CHCHD5: variants seen among roughly 807,000 people sequenced by gnomAD.
The protein encoded by CHCHD5 is coiled-coil-helix-coiled-coil-helix domain containing 5, also known as coiled-coil-helix-coiled-coil-helix domain-containing protein 5.
In CHCHD5, 10 loss-of-function variants were observed where a neutral mutation model predicts 16.0. That is an observed-to-expected ratio of 0.63 (90% CI 0.39 to 1.06). The LOEUF (loss-of-function observed/expected upper bound fraction) is 1.06, where lower values mean the gene tolerates loss of function less well. Among genes scored for constraint, CHCHD5 ranks in the 50% least tolerant of loss-of-function variants. The pLI, the probability that CHCHD5 is intolerant of heterozygous loss-of-function variation, is 0.01. For synonymous variants in CHCHD5, 55 were observed against 56.3 expected (o/e 0.98, Z 0.10); for missense variants, 163 against 153.4 (o/e 1.06, Z -0.33).
Position 112,586,292 on chromosome 2 carries a change from G to A in CHCHD5, c.236G>A (p.Cys79Tyr), listed in dbSNP as rs146213927. 276 of 1,614,272 alleles carry A rather than the reference G, an allele frequency of 1.7e-4. No individual in the cohort carries two copies. In the East Asian group the frequency reaches 4.5e-3, roughly 26 times the overall value. Residue 79 changes from cysteine to tyrosine, a missense_variant, in exon 3 of 4, where the codon TGT becomes TAT. By Grantham distance (194) the Cys-to-Tyr change is radical. Coordinates refer to ENST00000324913, the MANE Select transcript of CHCHD5 (RefSeq NM_032309.4). ...LRQNEAAVGNCAEHMRRFLQC... is the reference protein window; with the variant it reads ...LRQNEAAVGNYAEHMRRFLQC... ...CAGAACGAGGCAGCTGTGGGCAACT[G>A]TGCAGAGCATATGCGCCGCTTCCTG...
Position 112,586,117 on chromosome 2 carries a change from G to A in CHCHD5, c.143+3G>A. 6.2e-7 allele frequency: 1 copy of A among 1,613,376 alleles called. No homozygotes were observed. The highest frequency in any genetic ancestry group is 8.5e-7 in the Non-Finnish European group (1 of 1,179,570). ...ATTGCCCAGTGCACATCCTCCCAGT[G>A]AGTGCGGGCAAGTATGAGACAGTGT... On this transcript the variant is annotated splice_donor_region_variant and intron_variant, in intron 2 of 3. Transcript: ENST00000324913.
chr2:112,584,823 C>A, intron 1 of CHCHD5, 174 bp downstream of exon 1: 1 of 729,570 alleles, frequency 1.4e-6, no homozygotes, highest in Non-Finnish European at 2.3e-6. Context: ...CATGCCCAAG[C>A]CCCGCCCTCT....
intron 3 of CHCHD5, chr2:112,588,510 A>C (rs1397082287): frequency 3.9e-6 from 1 of 255,398 alleles, no homozygotes; most frequent in Non-Finnish European, 7.5e-6. Context: ...AAAGTGGTAC[A>C]TGTCCCTCCC....
At chr2:112,588,744 C>A in intron 3 of CHCHD5, 122 bp from the exon 4 acceptor site, 1 of 777,764 alleles carries the variant, frequency 1.3e-6, no homozygotes, top group Non-Finnish European at 2.2e-6. Flanking sequence ...AAGGTCATTG[C>A]CCAACACCCT....
intron 1 of CHCHD5, 63 bp from the exon 2 acceptor site, chr2:112,585,903 TAAAAAAAA>T (rs3838313): frequency 7.8e-7 from 1 of 1,283,194 alleles, no homozygotes; most frequent in South Asian, 1.5e-5. Context: ...CTCTAAAAAA[TAAAAAAAA>T]AAAAAAGAAT....
chr2:112,586,329 GCA>G lies in CHCHD5; in HGVS notation c.274_275del (p.Gln92GlyfsTer47), dbSNP rs1379409409. On this transcript the variant is annotated frameshift_variant, in exon 3 of 4. Coordinates refer to ENST00000324913, the MANE Select transcript of CHCHD5 (RefSeq NM_032309.4). LOFTEE classifies it high-confidence loss of function. ...TGCGCCGCTTCCTGCAGTGCGCTGAGCAGGTGCAGCCGCCACGCTCACCTGCA... is the reference window on the plus strand; with the variant it reads ...TGCGCCGCTTCCTGCAGTGCGCTGAGGGTGCAGCCGCCACGCTCACCTGCA... The part of the protein sequence containing the change: ...HMRRFLQCAE[Q>X]VQPPRSPATV... 1.2e-6 allele frequency: 2 copies of G among 1,614,254 alleles called. No homozygotes were observed. Among genetic ancestry groups the G allele is most frequent in the South Asian group, 2.2e-5 (2 of 91,092 alleles).
intron 1 of CHCHD5, 86 bp from the exon 2 acceptor site, chr2:112,585,888 C>A: frequency 6.8e-7 from 1 of 1,466,166 alleles, no homozygotes; most frequent in Non-Finnish European, 9.2e-7. Flanking sequence ...ACAGTGAGAC[C>A]CTGTCTCTAA....
chr2:112,585,170 G>A (rs1385532283), intron 1 of CHCHD5, among the ~76,000 whole-genome samples: 2 of 152,114 alleles, frequency 1.3e-5, no homozygotes, highest in Non-Finnish European at 2.9e-5. Context: ...ACGCCCCTGG[G>A]ACCTTGAGTC....
chr2:112,586,491 T>C lies in CHCHD5; in HGVS notation c.309+126T>C, dbSNP rs1399532469. 3.2e-6 allele frequency: 5 copies of C among 1,557,334 alleles called. No homozygotes were observed. The South Asian group carries it at 5.9e-5, about 18-fold the overall frequency. On this transcript the variant is annotated intron_variant, in intron 3 of 3. Coordinates refer to ENST00000324913, the MANE Select transcript of CHCHD5 (RefSeq NM_032309.4). ...CCCATCACCACACAGGCCTTTGCCATGCATCCAGAATCCAGAACATCATCA... is the reference window on the plus strand; with the variant it reads ...CCCATCACCACACAGGCCTTTGCCACGCATCCAGAATCCAGAACATCATCA...
chr2:112,586,859 A>T, intron 3 of CHCHD5: 1 of 381,364 alleles, frequency 2.6e-6, no homozygotes, highest in East Asian at 4.2e-5. Context: ...GGTGGCCAAA[A>T]AAAGGTCACT....
At position 112,588,977 on chromosome 2, in the gene CHCHD5, T is replaced by C; in HGVS notation, c.*88T>C. On this transcript the variant is annotated 3_prime_UTR_variant, in exon 4 of 4. Coordinates refer to ENST00000324913, the MANE Select transcript of CHCHD5 (RefSeq NM_032309.4). ...AGTGGCCAGATGGAGTCCTGAGCCC[T>C]GGACATGGGCCCGGCTTTCCTGGAT... 3.1e-6 allele frequency: 3 copies of C among 953,816 alleles called. No homozygotes were observed. Among genetic ancestry groups the C allele is most frequent in the Non-Finnish European group, 5.1e-6 (3 of 592,364 alleles). 59.1% of individuals were successfully genotyped at this position (953,816 alleles called of 1,614,324 possible).
Position 112,584,663 on chromosome 2 carries a change from G to A in CHCHD5, c.2+14G>A. ...AGGTCTCGAGATGTGAGTAGTGAGA[G>A]CGCCTACCCCATACGTGCTGCCGCT... On this transcript the variant is annotated intron_variant, in intron 1 of 3. Coordinates refer to ENST00000324913, the MANE Select transcript of CHCHD5 (RefSeq NM_032309.4). 1 of 1,614,022 alleles carries A rather than the reference G, an allele frequency of 6.2e-7. No individual in the cohort carries two copies. The highest frequency in any genetic ancestry group is 8.5e-7 in the Non-Finnish European group (1 of 1,179,906).
chr2:112,587,171 C>G (rs988527994), intron 3 of CHCHD5: 1 of 153,928 alleles, frequency 6.5e-6, no homozygotes, highest in African/African-American at 2.4e-5. Flanking sequence ...GGGCCCCATG[C>G]TCCATCTTGA....
chr2:112,584,721 C>T (rs1380155001), intron 1 of CHCHD5, 72 bp downstream of exon 1: 2 of 1,580,664 alleles, frequency 1.3e-6, no homozygotes, highest in Non-Finnish European at 1.7e-6. Flanking sequence ...TAGACCTAGT[C>T]TAGGACCTCG....
In CHCHD5 at chr2:112,585,989, G is replaced by A. The variant is rs1320768621; in HGVS notation, c.18G>A (p.Glu6=). 6.2e-7 allele frequency: 1 copy of A among 1,614,200 alleles called. No individual in the cohort carries two copies. The highest frequency in any genetic ancestry group is 8.5e-7 in the Non-Finnish European group (1 of 1,180,010). Residue 6 remains glutamate, a synonymous_variant, in exon 2 of 4, where the codon GAG becomes GAA. Coordinates refer to ENST00000324913, the MANE Select transcript of CHCHD5 (RefSeq NM_032309.4). The part of the protein sequence containing the change: MQAAL[E]VTARYCGREL... ...TGTCCCACAGGCAGGCGGCCCTAGA[G>A]GTCACCGCTCGCTACTGTGGCCGGG... is the stretch of plus-strand genomic sequence containing the variant.
chr2:112,585,926 T>A (rs1685196888), intron 1 of CHCHD5, 48 bp from the exon 2 acceptor site: 2 of 1,570,678 alleles, frequency 1.3e-6, no homozygotes, highest in Non-Finnish European at 1.7e-6. Flanking sequence ...AAGAATTCCC[T>A]TGCTTGCCTA....
At chr2:112,586,722 A>T in intron 3 of CHCHD5, 1 of 956,092 alleles carries the variant, frequency 1.0e-6, no homozygotes, top group Non-Finnish European at 1.5e-6. Context: ...TCACATTGAG[A>T]ACAAAAGTCC....
In CHCHD5 at chr2:112,588,982, A is replaced by G; in HGVS notation, c.*93A>G. 4.5e-6 allele frequency: 4 copies of G among 888,216 alleles called. No individual in the cohort carries two copies. Among genetic ancestry groups the G allele is most frequent in the Admixed American group, 2.0e-5 (1 of 50,548 alleles). 55.0% of individuals were successfully genotyped at this position (888,216 alleles called of 1,614,324 possible). On this transcript the variant is annotated 3_prime_UTR_variant, in exon 4 of 4. Transcript: ENST00000324913. ...CCAGATGGAGTCCTGAGCCCTGGAC[A>G]TGGGCCCGGCTTTCCTGGATATCAG...
At chr2:112,586,166 A>C in intron 2 of CHCHD5, 34 bp from the exon 3 acceptor site, 1 of 1,608,982 alleles carries the variant, frequency 6.2e-7, no homozygotes, top group Non-Finnish European at 8.5e-7. Context: ...TGGGGTGGGA[A>C]TCTCCCAGGG....
Sources: gnomAD v4.1 joint callset for allele counts (sites outside exome capture counted in the v4.1 genomes callset) on GRCh38, gnomAD v4.1.1 for gene constraint, MANE v1.5 for transcripts, NCBI Gene and HGNC (gene_info 2026-07-23, HGNC 2026-07-21) for gene names.